Variants in FOXP2 observed in about 807,000 individuals in gnomAD.
The protein encoded by FOXP2 is forkhead box P2.
Under a neutral mutation model 115.8 loss-of-function variants are expected in FOXP2, and 12 were observed. That is an observed-to-expected ratio of 0.10 (90% CI 0.07 to 0.17). FOXP2 has a LOEUF of 0.17. Among genes scored for constraint, FOXP2 ranks in the 10% least tolerant of loss-of-function variants. The pLI is 1.00. For synonymous variants in FOXP2, 328 were observed against 297.7 expected, an observed-to-expected ratio of 1.10 and a Z score of -1.05; for missense variants, 629 against 843.5, an observed-to-expected ratio of 0.75 and a Z score of 3.15.
chr7:114,681,079 T>C (rs1808061237), intron 16 of FOXP2, among the ~76,000 whole-genome samples: 1 of 152,218 alleles, frequency 6.6e-6, no homozygotes, highest in South Asian at 2.1e-4. Context: ...CTTAGGACAC[T>C]TAGGGCTGGC....
chr7:114,155,747 A>C (rs1222088143), intron 1 of FOXP2, among the ~76,000 whole-genome samples: 1 of 152,148 alleles, frequency 6.6e-6, no homozygotes, highest in Non-Finnish European at 1.5e-5. Context: ...GGAGACACCG[A>C]GGCAAGTTTT....
In FOXP2 at chr7:114,311,110, C is replaced by T. The variant is rs187139692; in HGVS notation, c.-11+23001C>T. On this transcript the variant is annotated intron_variant, in intron 2 of 17. Transcript: ENST00000634411. ...CTATATATTAGGAGACTGCCTTTCC[C>T]TGGCGCTGGCTGTGACCAATTATTT... Among the ~76,000 whole-genome samples, 626 of 152,166 alleles carry T rather than the reference C, an allele frequency of 4.1e-3. 7 individuals carry two copies. The highest frequency in any genetic ancestry group is 0.015 in the African/African-American group (602 of 41,510).
At chr7:114,670,327 G>A (rs1397930822) in intron 16 of FOXP2, among the ~76,000 whole-genome samples, 1 of 152,014 alleles carries the variant, frequency 6.6e-6, no homozygotes, top group Non-Finnish European at 1.5e-5. Flanking sequence ...AGGCTGAGGT[G>A]TCATATAAAA....
At chr7:114,204,441 T>G (rs1265304707) in intron 1 of FOXP2, among the ~76,000 whole-genome samples, 3 of 152,140 alleles carry the variant, frequency 2.0e-5, no homozygotes, top group Non-Finnish European at 2.9e-5. Context: ...AGAAAAAGTC[T>G]GAGAACTGAG....
chr7:114,572,082 T>C (rs1477860016), intron 3 of FOXP2, among the ~76,000 whole-genome samples: 1 of 151,792 alleles, frequency 6.6e-6, no homozygotes, highest in East Asian at 1.9e-4. Context: ...TTTCATACTT[T>C]GGTTAAAAAG....
At chr7:114,271,626 T>G (rs1416136162) in intron 1 of FOXP2, among the ~76,000 whole-genome samples, 2 of 122,092 alleles carry the variant, frequency 1.6e-5, no homozygotes, top group Non-Finnish European at 3.2e-5. Context: ...AATAATTATA[T>G]TATTAATATA....
chr7:114,444,813 G>C (rs1477344874), intron 2 of FOXP2, among the ~76,000 whole-genome samples: 1 of 152,036 alleles, frequency 6.6e-6, no homozygotes, highest in African/African-American at 2.4e-5. Context: ...CATGATTACA[G>C]TTAACATTTT....
chr7:114,360,219 T>A (rs1466517327), intron 2 of FOXP2, among the ~76,000 whole-genome samples: 1 of 152,140 alleles, frequency 6.6e-6, no homozygotes, highest in East Asian at 1.9e-4. Context: ...CTACCTTTGC[T>A]CCTCCTTTGC....
intron 1 of FOXP2, among the ~76,000 whole-genome samples, chr7:114,143,352 GA>G (rs1792278805): frequency 2.6e-5 from 4 of 152,002 alleles, no homozygotes; most frequent in Non-Finnish European, 5.9e-5. Context: ...ATTCTCTTGA[GA>G]TTGAGTTTTT....
At chr7:114,565,121 G>C (rs1584901550) in intron 3 of FOXP2, among the ~76,000 whole-genome samples, 1 of 146,096 alleles carries the variant, frequency 6.8e-6, no homozygotes, top group Non-Finnish European at 1.5e-5. Context: ...TTCTGAGAAG[G>C]CTATTCTAGA....
chr7:114,674,733 A>G (rs1000972249), intron 16 of FOXP2, among the ~76,000 whole-genome samples: 18 of 152,274 alleles, frequency 1.2e-4, no homozygotes, highest in African/African-American at 3.6e-4. Flanking sequence ...ATTCAGTCCT[A>G]TAAATAAGAG....
chr7:114,553,811 G>A (rs1320713268), intron 3 of FOXP2, among the ~76,000 whole-genome samples: 1 of 152,020 alleles, frequency 6.6e-6, no homozygotes, highest in Non-Finnish European at 1.5e-5. Context: ...ATGGAATCCA[G>A]TTTTGAAAAA....
intron 3 of FOXP2, among the ~76,000 whole-genome samples, chr7:114,613,536 G>A (rs915233626): frequency 1.7e-4 from 26 of 151,826 alleles, no homozygotes; most frequent in Admixed American, 2.6e-4. Context: ...TTAGCCAGGC[G>A]TGGTGGCAGG....
chr7:114,360,199 C>T (rs1163523655), intron 2 of FOXP2, among the ~76,000 whole-genome samples: 1 of 152,114 alleles, frequency 6.6e-6, no homozygotes, highest in East Asian at 1.9e-4. Flanking sequence ...TGTCTGCTGC[C>T]ATGTAAGACC....
intron 1 of FOXP2, among the ~76,000 whole-genome samples, chr7:114,134,654 A>G (rs956010092): frequency 1.9e-4 from 29 of 149,406 alleles, no homozygotes; most frequent in African/African-American, 5.4e-4. Flanking sequence ...CGGAGCTTGC[A>G]GTGAGCCGAG....
intron 1 of FOXP2, among the ~76,000 whole-genome samples, chr7:114,221,332 G>A (rs1794615930): frequency 6.6e-6 from 1 of 151,836 alleles, no homozygotes. Context: ...GAAGTCAATG[G>A]GCAGAGGGCT....
chr7:114,428,569 A>C (rs1793973954), intron 2 of FOXP2, among the ~76,000 whole-genome samples: 1 of 151,436 alleles, frequency 6.6e-6, no homozygotes, highest in East Asian at 1.9e-4. Flanking sequence ...TACTTTAGGA[A>C]GTGTCTACAG....
intron 1 of FOXP2, among the ~76,000 whole-genome samples, chr7:114,114,144 A>C (rs1384349631): frequency 1.3e-5 from 2 of 151,896 alleles, no homozygotes; most frequent in Non-Finnish European, 1.5e-5. Flanking sequence ...AAAGAGAGAG[A>C]GTGCTCCTAA....
intron 1 of FOXP2, among the ~76,000 whole-genome samples, chr7:114,151,037 T>A (rs1792514901): frequency 6.6e-6 from 1 of 152,026 alleles, no homozygotes. Flanking sequence ...ATGTCTCATC[T>A]CAGTTGTTAG....
Sources: allele counts gnomAD v4.1 joint callset (sites outside exome capture counted in the v4.1 genomes callset), GRCh38; gene constraint gnomAD v4.1.1; transcripts MANE v1.5; gene names NCBI Gene and HGNC (gene_info 2026-07-23, HGNC 2026-07-21).